Variants in SRRM4 observed in about 807,000 individuals in gnomAD.
SRRM4 encodes the protein serine/arginine repetitive matrix protein 4.
A neutral mutation model predicts 68.9 loss-of-function variants in SRRM4; 33 were observed. The observed-to-expected ratio is 0.48, with a 90% CI of 0.36 to 0.64. The LOEUF (loss-of-function observed/expected upper bound fraction) is 0.64, where lower values mean the gene tolerates loss of function less well. SRRM4 is among the 30% of genes least tolerant of loss of function. SRRM4 has a pLI of 0.00. For synonymous variants in SRRM4, 318 were observed against 318.8 expected, an observed-to-expected ratio of 1.00 and a Z score of 0.03; for missense variants, 817 against 827.1, an observed-to-expected ratio of 0.99 and a Z score of 0.15.
chr12:119,086,918 C>T lies in SRRM4; in HGVS notation c.132-15318C>T, dbSNP rs189259370. 2.3e-4 allele frequency among the ~76,000 whole-genome samples: 35 copies of T among 152,330 alleles called. No homozygotes were observed. The East Asian group carries it at 6.2e-3, about 27-fold the overall frequency. Reference sequence around the variant, plus strand: ...CCAAACCCCAACTCTAAACACCAATCTCACAGCTGTAGAAGGATACAAAGC... The same window carrying T: ...CCAAACCCCAACTCTAAACACCAATTTCACAGCTGTAGAAGGATACAAAGC... On this transcript the variant is annotated intron_variant, in intron 1 of 12. Coordinates refer to ENST00000267260, the MANE Select transcript of SRRM4 (RefSeq NM_194286.4).
chr12:119,059,673 A>T (rs999424216), intron 1 of SRRM4, among the ~76,000 whole-genome samples: 1 of 152,110 alleles, frequency 6.6e-6, no homozygotes, highest in Admixed American at 6.6e-5. Flanking sequence ...AAGGGACATG[A>T]TCTTATCTTA....
intron 1 of SRRM4, among the ~76,000 whole-genome samples, chr12:119,019,305 A>C (rs112689272): frequency 6.6e-6 from 1 of 152,158 alleles, no homozygotes; most frequent in Non-Finnish European, 1.5e-5. Flanking sequence ...AATCAAAGAC[A>C]CGTCAACCAT....
At chr12:119,047,030 TAAA>T (rs11415940) in intron 1 of SRRM4, among the ~76,000 whole-genome samples, 3 of 122,218 alleles carry the variant, frequency 2.5e-5, no homozygotes, top group South Asian at 2.8e-4. Context: ...AGATCCCGTC[TAAA>T]AAAAAAAAAA....
intron 4 of SRRM4, among the ~76,000 whole-genome samples, chr12:119,118,718 G>A (rs59154725): frequency 0.085 from 12,890 of 152,170 alleles, 693 homozygotes; most frequent in East Asian, 0.25. Flanking sequence ...TTGGGGGTTC[G>A]CTGGGGGAAG....
intron 1 of SRRM4, among the ~76,000 whole-genome samples, chr12:119,081,863 AC>A (rs777022679): frequency 2.6e-5 from 4 of 152,238 alleles, no homozygotes; most frequent in South Asian, 4.1e-4. Flanking sequence ...CAAGGACAAC[AC>A]CAAGGTTACC....
At chr12:119,059,219 C>A (rs1354617060) in intron 1 of SRRM4, among the ~76,000 whole-genome samples, 1 of 152,132 alleles carries the variant, frequency 6.6e-6, no homozygotes, top group Non-Finnish European at 1.5e-5. Context: ...GACATTCAAC[C>A]CCTTGACAAC....
chr12:119,083,167 T>C (rs1953960062), intron 1 of SRRM4, among the ~76,000 whole-genome samples: 1 of 152,002 alleles, frequency 6.6e-6, no homozygotes. Flanking sequence ...GTAGCCAGTG[T>C]TGTCACTGAC....
At chr12:119,073,517 G>T (rs1289522046) in intron 1 of SRRM4, among the ~76,000 whole-genome samples, 1 of 152,046 alleles carries the variant, frequency 6.6e-6, no homozygotes, top group Non-Finnish European at 1.5e-5. Context: ...TAGAGATGGG[G>T]TTTAGCCATG....
chr12:119,041,858 G>T (rs1222790825), intron 1 of SRRM4, among the ~76,000 whole-genome samples: 1 of 152,156 alleles, frequency 6.6e-6, no homozygotes, highest in Non-Finnish European at 1.5e-5. Context: ...GCGGGAGAAT[G>T]CCTACTGTCT....
In SRRM4 at chr12:119,156,585, T is replaced by C. The variant is rs529966180; in HGVS notation, c.1623T>C (p.Ser541=). The change falls in exon 13 of 13, where the codon AGT becomes AGC. Residue 541 remains serine (S), a synonymous_variant. Transcript: ENST00000267260. ...CCTCCTCCTGGTACAGCAGCAGCAG[T>C]AGCCGCTCGGCCAGCCGCAGCTACT... is the stretch of plus-strand genomic sequence containing the variant. The part of the protein sequence containing the change: ...SSTSSWYSSS[S]SRSASRSYSR... 2 of 1,610,338 alleles carry C rather than the reference T, an allele frequency of 1.2e-6. No individual in the cohort carries two copies. The highest frequency in any genetic ancestry group is 1.3e-5 in the African/African-American group (1 of 74,966).
chr12:119,123,004 T>C (rs1403986358), intron 6 of SRRM4, among the ~76,000 whole-genome samples: 1 of 152,182 alleles, frequency 6.6e-6, no homozygotes, highest in Admixed American at 6.5e-5. Context: ...TAAAAGTAAA[T>C]TTGGTTACAA....
intron 1 of SRRM4, among the ~76,000 whole-genome samples, chr12:119,090,111 G>C (rs1954004938): frequency 6.6e-6 from 1 of 152,142 alleles, no homozygotes; most frequent in African/African-American, 2.4e-5. Flanking sequence ...TGGAAGCTTA[G>C]GAATCAGGCA....
At chr12:119,007,207 G>T (rs1267088487) in intron 1 of SRRM4, among the ~76,000 whole-genome samples, 1 of 152,178 alleles carries the variant, frequency 6.6e-6, no homozygotes, top group East Asian at 1.9e-4. Context: ...AAAATGTGCA[G>T]AGTCAAATTC....
intron 2 of SRRM4, among the ~76,000 whole-genome samples, chr12:119,113,212 T>C (rs969837679): frequency 1.3e-5 from 2 of 152,186 alleles, no homozygotes; most frequent in Non-Finnish European, 2.9e-5. Context: ...ACCACAATGA[T>C]CCAGATTCTT....
intron 2 of SRRM4, among the ~76,000 whole-genome samples, chr12:119,109,999 GT>G (rs2136045699): frequency 6.6e-6 from 1 of 152,296 alleles, no homozygotes; most frequent in African/African-American, 2.4e-5. Context: ...TACAGATGGG[GT>G]TTTGGTGTGG....
At chr12:119,047,050 G>T (rs1022470509) in intron 1 of SRRM4, among the ~76,000 whole-genome samples, 3 of 108,770 alleles carry the variant, frequency 2.8e-5, no homozygotes, top group African/African-American at 1.0e-4. Context: ...AAAAAAAAAA[G>T]TGTGGACTCT....
At position 119,156,591 on chromosome 12, in the gene SRRM4, C is replaced by A. The variant is rs1216202663; in HGVS notation, c.1629C>A (p.Arg543=). 6.2e-7 allele frequency: 1 copy of A among 1,610,100 alleles called. No homozygotes were observed. Among genetic ancestry groups the A allele is most frequent in the South Asian group, 1.1e-5 (1 of 90,838 alleles). The change falls in exon 13 of 13, where the codon CGC becomes CGA. Residue 543 remains arginine (R), a synonymous_variant. Coordinates refer to ENST00000267260, the MANE Select transcript of SRRM4 (RefSeq NM_194286.4). ...TSSWYSSSSS[R]SASRSYSRSR... is the part of the protein sequence containing the mutation. ...CCTGGTACAGCAGCAGCAGTAGCCGCTCGGCCAGCCGCAGCTACTCCCGGA... is the reference window on the plus strand; with the variant it reads ...CCTGGTACAGCAGCAGCAGTAGCCGATCGGCCAGCCGCAGCTACTCCCGGA...
intron 3 of SRRM4, among the ~76,000 whole-genome samples, chr12:119,115,779 G>A (rs1954175649): frequency 6.6e-6 from 1 of 152,192 alleles, no homozygotes. Context: ...CACTGAGCAT[G>A]TGTCTGGGGA....
intron 10 of SRRM4, among the ~76,000 whole-genome samples, chr12:119,151,670 C>T (rs1170804886): frequency 2.0e-5 from 3 of 152,110 alleles, no homozygotes; most frequent in Non-Finnish European, 4.4e-5. Flanking sequence ...TCTCATTGGG[C>T]TCACTCATAC....
Sources: gnomAD v4.1 joint callset for allele counts (sites outside exome capture counted in the v4.1 genomes callset) on GRCh38, gnomAD v4.1.1 for gene constraint, MANE v1.5 for transcripts, NCBI Gene and HGNC (gene_info 2026-07-23, HGNC 2026-07-21) for gene names.